The following SIMC1 variants were observed in gnomAD, a reference collection of about 807,000 sequenced individuals.
SIMC1 encodes SUMO-interacting motif-containing protein 1.
SIMC1 carries 55 observed loss-of-function variants against 82.3 expected under a neutral mutation model. That is an observed-to-expected ratio of 0.67 (90% CI 0.54 to 0.84). SIMC1 has a LOEUF of 0.84. SIMC1 is among the 40% of genes least tolerant of loss of function. SIMC1 has a pLI of 0.00. For missense variants in SIMC1, 915 were observed against 1,107.2 expected (o/e 0.83, Z 2.46); for synonymous variants, 353 against 426.3 (o/e 0.83, Z 2.12).
Position 176,290,669 on chromosome 5 carries a change from A to G in SIMC1, c.1145A>G (p.Asp382Gly). 6.2e-7 allele frequency: 1 copy of G among 1,614,010 alleles called. No individual in the cohort carries two copies. Reference sequence around the variant, plus strand: ...ACCCAGAATGATGTACAGAACCGTGACATGCCTATGGATATCTCAGCTCTG... The same window carrying G: ...ACCCAGAATGATGTACAGAACCGTGGCATGCCTATGGATATCTCAGCTCTG... ...DFTQNDVQNR[D>G]MPMDISALSS... The change falls in exon 2 of 10, where the codon GAC becomes GGC. Residue 382 changes from aspartate to glycine, a missense_variant. Transcript: ENST00000429602.
At position 176,306,439 on chromosome 5, in the gene SIMC1, A is replaced by G. The variant is rs866297506; in HGVS notation, c.1735-7252A>G. On this transcript the variant is annotated intron_variant, in intron 4 of 9. Coordinates refer to ENST00000429602, the MANE Select transcript of SIMC1 (RefSeq NM_001308195.2). Reference sequence around the variant, plus strand: ...CCCAACAGCTCATTGAGAACGGGCCAGGATGACAATGGCGGCTTTGTGGAA... The same window carrying G: ...CCCAACAGCTCATTGAGAACGGGCCGGGATGACAATGGCGGCTTTGTGGAA... Among the ~76,000 whole-genome samples the G allele has an allele frequency of 6.4e-3, 800 of 124,264 alleles. 24 individuals are homozygous for G. The highest frequency in any genetic ancestry group is 0.019 in the African/African-American group (770 of 39,548). The allele number at this position is 124,264 out of a possible 152,430, so 81.5% of individuals were successfully genotyped here. A position where few individuals can be genotyped will look rare whatever the true frequency, so the allele number is the denominator to read the frequency against.
At chr5:176,312,302 G>A (rs181255978) in intron 4 of SIMC1, among the ~76,000 whole-genome samples, 2 of 152,210 alleles carry the variant, frequency 1.3e-5, no homozygotes, top group Admixed American at 1.3e-4. Flanking sequence ...TTGGGAGACC[G>A]ATGCAGGTGG....
Position 176,276,676 on chromosome 5 carries a change from C to G in SIMC1, c.130-12978C>G, listed in dbSNP as rs557019433. ...TGTGATCTCATTGTTCAATTCCCAC[C>G]TATGAGTGAGAATATGCGGTGTTTG... is the stretch of plus-strand genomic sequence containing the variant. On this transcript the variant is annotated intron_variant, in intron 1 of 9. Coordinates refer to ENST00000429602, the MANE Select transcript of SIMC1 (RefSeq NM_001308195.2). Among the ~76,000 whole-genome samples, 245 of 144,448 alleles carry G rather than the reference C, an allele frequency of 1.7e-3. 3 individuals are homozygous for G. Among genetic ancestry groups the G allele is most frequent in the African/African-American group, 6.0e-3 (234 of 38,910 alleles). The allele number at this position is 144,448 out of a possible 152,430, so 94.8% of individuals were successfully genotyped here.
At chr5:176,260,170 T>C (rs1395554235) in intron 1 of SIMC1, among the ~76,000 whole-genome samples, 1 of 152,162 alleles carries the variant, frequency 6.6e-6, no homozygotes, top group Non-Finnish European at 1.5e-5. Flanking sequence ...ATAATCATTT[T>C]ATCAGCTGCA....
intron 7 of SIMC1, among the ~76,000 whole-genome samples, chr5:176,325,710 CTTAA>C (rs992206232): frequency 4.6e-5 from 7 of 151,750 alleles, no homozygotes; most frequent in African/African-American, 1.5e-4. Flanking sequence ...AAATTAATTA[CTTAA>C]TTAATTAAAT....
At chr5:176,279,347 A>G (rs1762872750) in intron 1 of SIMC1, among the ~76,000 whole-genome samples, 1 of 151,782 alleles carries the variant, frequency 6.6e-6, no homozygotes, top group Non-Finnish European at 1.5e-5. Context: ...TATTGCGTCT[A>G]TTTGATTCTT....
chr5:176,243,326 G>T (rs2113097655), intron 1 of SIMC1, among the ~76,000 whole-genome samples: 1 of 152,310 alleles, frequency 6.6e-6, no homozygotes, highest in African/African-American at 2.4e-5. Flanking sequence ...AGGCGGGAAT[G>T]AGCATGACTT....
At chr5:176,279,059 G>A (rs1240199418) in intron 1 of SIMC1, among the ~76,000 whole-genome samples, 3 of 152,224 alleles carry the variant, frequency 2.0e-5, no homozygotes, top group African/African-American at 4.8e-5. Flanking sequence ...GGTAGAATTC[G>A]GCTGTGAATC....
At chr5:176,339,251 C>T (rs1766029486) in intron 9 of SIMC1, among the ~76,000 whole-genome samples, 1 of 152,078 alleles carries the variant, frequency 6.6e-6, no homozygotes, top group South Asian at 2.1e-4. Context: ...GTAATCCCAG[C>T]TACTCAGGAG....
intron 4 of SIMC1, among the ~76,000 whole-genome samples, chr5:176,306,972 C>A (rs1482558037): frequency 6.6e-6 from 1 of 151,274 alleles, no homozygotes; most frequent in African/African-American, 2.4e-5. Context: ...AAATGAATAA[C>A]CCAATTTAAA....
intron 1 of SIMC1, among the ~76,000 whole-genome samples, chr5:176,247,533 A>G (rs1449253460): frequency 6.6e-6 from 1 of 151,998 alleles, no homozygotes; most frequent in South Asian, 2.1e-4. Context: ...GATAGATTAC[A>G]AAGATTTTCT....
chr5:176,343,020 G>C (rs943420177), intron 9 of SIMC1, among the ~76,000 whole-genome samples: 2 of 152,194 alleles, frequency 1.3e-5, no homozygotes, highest in African/African-American at 2.4e-5. Context: ...TCCATCTCAA[G>C]GCAGCTTTGT....
chr5:176,288,098 G>A (rs748030190), intron 1 of SIMC1, among the ~76,000 whole-genome samples: 32 of 152,224 alleles, frequency 2.1e-4, no homozygotes, highest in African/African-American at 5.3e-4. Flanking sequence ...GTGATCCACC[G>A]CGCCTAGCCG....
intron 4 of SIMC1, among the ~76,000 whole-genome samples, chr5:176,299,657 G>A (rs959221022): frequency 2.0e-5 from 3 of 152,120 alleles, no homozygotes; most frequent in African/African-American, 7.2e-5. Context: ...AGAATTGAAA[G>A]AAGAAATAGA....
intron 5 of SIMC1, among the ~76,000 whole-genome samples, chr5:176,315,108 AT>A (rs1764839779): frequency 6.6e-6 from 1 of 152,086 alleles, no homozygotes; most frequent in South Asian, 2.1e-4. Context: ...AGGGTGGGTA[AT>A]TTATAAAGAA....
intron 1 of SIMC1, among the ~76,000 whole-genome samples, chr5:176,248,834 A>G (rs1409866852): frequency 6.6e-6 from 1 of 152,086 alleles, no homozygotes; most frequent in Non-Finnish European, 1.5e-5. Flanking sequence ...GAATTCTATC[A>G]AAGGCCTTTT....
intron 1 of SIMC1, among the ~76,000 whole-genome samples, chr5:176,276,627 G>T (rs1412561465): frequency 8.0e-6 from 1 of 125,008 alleles, no homozygotes; most frequent in Non-Finnish European, 1.6e-5. Flanking sequence ...TCCCCAGAGC[G>T]TGATATTCCC....
intron 9 of SIMC1, among the ~76,000 whole-genome samples, chr5:176,342,223 C>T (rs1331282220): frequency 2.0e-5 from 3 of 152,168 alleles, no homozygotes; most frequent in Non-Finnish European, 4.4e-5. Context: ...CTTCCTAAGA[C>T]AATTCCTAAC....
At chr5:176,288,754 C>T (rs76709101) in intron 1 of SIMC1, among the ~76,000 whole-genome samples, 8,646 of 152,180 alleles carry the variant, frequency 0.057, 334 homozygotes, top group African/African-American at 0.11. Context: ...GCTGTGATAG[C>T]AGCAATAGTA....
Sources: gnomAD v4.1 joint callset for allele counts (sites outside exome capture counted in the v4.1 genomes callset) on GRCh38, gnomAD v4.1.1 for gene constraint, MANE v1.5 for transcripts, NCBI Gene and HGNC (gene_info 2026-07-23, HGNC 2026-07-21) for gene names.